The following PGM3 variants were observed in gnomAD, a reference collection of about 807,000 sequenced individuals.
PGM3 encodes phosphoglucomutase 3.
In PGM3, 40 loss-of-function variants were observed where a neutral mutation model predicts 66.2. The ratio of observed to expected loss-of-function variants is 0.60; its 90% CI spans 0.47 to 0.79. PGM3 has a LOEUF of 0.79. Among genes scored for constraint, PGM3 ranks in the 30% least tolerant of loss-of-function variants. The pLI is 0.00. For synonymous variants in PGM3, 191 were observed against 224.2 expected (o/e 0.85, Z 1.32); for missense variants, 537 against 643.4 (o/e 0.83, Z 1.79).
intron 12 of PGM3, chr6:83,169,954 T>C (rs2128476892): frequency 1.3e-5 from 5 of 381,968 alleles, no homozygotes; most frequent in South Asian, 1.1e-4. Flanking sequence ...ACAAAGCTGG[T>C]TGTTTTCATG....
downstream of PGM3, among the ~76,000 whole-genome samples, chr6:83,159,235 TAC>T (rs1783609628): frequency 6.6e-6 from 1 of 152,192 alleles, no homozygotes; most frequent in Non-Finnish European, 1.5e-5. Flanking sequence ...TTCTCGCTTT[TAC>T]AGTTTTTATT....
intron 10 of PGM3, 102 bp downstream of exon 10, chr6:83,174,272 A>G: frequency 1.5e-6 from 1 of 656,944 alleles, no homozygotes. Flanking sequence ...CCACCAGGCC[A>G]GGACGTCTCC....
downstream of PGM3, chr6:83,157,167 C>T: frequency 6.2e-7 from 1 of 1,605,948 alleles, no homozygotes; most frequent in Non-Finnish European, 8.5e-7. Context: ...TGAAAATGCT[C>T]TGCATTTCTT....
the PGM3 span, chr6:83,156,062 G>A: frequency 6.2e-7 from 1 of 1,613,874 alleles, no homozygotes; most frequent in Non-Finnish European, 8.5e-7. Context: ...ATTTTTAGCA[G>A]TGAAATTGAC....
At position 83,167,397 on chromosome 6, in the gene PGM3, A is replaced by T; in HGVS notation, c.*1837T>A. 1.0e-6 allele frequency: 1 copy of T among 981,568 alleles called. No individual in the cohort carries two copies. Among genetic ancestry groups the T allele is most frequent in the Non-Finnish European group, 1.2e-6 (1 of 826,308 alleles). The allele number at this position is 981,568 out of a possible 1,614,324, so 60.8% of individuals were successfully genotyped here. A position where few individuals can be genotyped will look rare whatever the true frequency, so the allele number is the denominator to read the frequency against. On this transcript the variant is annotated 3_prime_UTR_variant, in exon 13 of 13. Transcript: ENST00000513973. ...ACACTGCTACCATCATGGCAAATTTAGGCCATTTAGATAAAAGGGAATTAA... is the reference window on the plus strand; with the variant it reads ...ACACTGCTACCATCATGGCAAATTTTGGCCATTTAGATAAAAGGGAATTAA...
chr6:83,178,799 G>T, intron 7 of PGM3, 43 bp from the exon 8 acceptor site: 3 of 1,120,866 alleles, frequency 2.7e-6, no homozygotes, highest in Non-Finnish European at 4.1e-6. Flanking sequence ...CAAAAGTATG[G>T]TCTACAAAAA....
chr6:83,186,739 A>G (rs1389360207), intron 4 of PGM3, among the ~76,000 whole-genome samples: 1 of 152,222 alleles, frequency 6.6e-6, no homozygotes, highest in Non-Finnish European at 1.5e-5. Context: ...GAGGAAATTC[A>G]GCCTTACCAA....
intron 10 of PGM3, 78 bp from the exon 11 acceptor site, chr6:83,172,137 C>T (rs1787264922): frequency 1.1e-5 from 16 of 1,433,926 alleles, no homozygotes; most frequent in Non-Finnish European, 1.5e-5. Flanking sequence ...CTTAGAAAAC[C>T]AATCACAGTA....
At chr6:83,157,445 G>A (rs556637843), downstream of PGM3, 60 of 976,882 alleles carry the variant, frequency 6.1e-5, 1 homozygote, top group African/African-American at 7.6e-4. Flanking sequence ...AGTTACTGAT[G>A]CTTTTTACAG....
downstream of PGM3, among the ~76,000 whole-genome samples, chr6:83,163,576 ACTTT>A (rs1784742113): frequency 6.6e-6 from 1 of 152,206 alleles, no homozygotes; most frequent in African/African-American, 2.4e-5. Flanking sequence ...AGTATTTTTC[ACTTT>A]CTGATTATAA....
Position 83,165,733 on chromosome 6 carries a change from C to T in PGM3, c.*3501G>A. On this transcript the variant is annotated 3_prime_UTR_variant, in exon 13 of 13. Coordinates refer to ENST00000513973, the MANE Select transcript of PGM3 (RefSeq NM_015599.3). ...GAATATGGCAGATGAGGCAAAACTT[C>T]ATAGCCCAATTAGTTCAATTTTCGA... The T allele has an allele frequency of 4.3e-6, 1 of 234,162 alleles. No individual in the cohort carries two copies. The highest frequency in any genetic ancestry group is 9.1e-6 in the Non-Finnish European group (1 of 110,372). The allele number at this position is 234,162 out of a possible 1,614,324, so 14.5% of individuals were successfully genotyped here.
At position 83,164,926 on chromosome 6, in the gene PGM3, G is replaced by T; in HGVS notation, c.*4308C>A. On this transcript the variant is annotated 3_prime_UTR_variant, in exon 13 of 13. Coordinates refer to ENST00000513973, the MANE Select transcript of PGM3 (RefSeq NM_015599.3). ...ATATTGAGACAATACATATAGTTCTGATTAAGAGCATCAGAAACTCTGAAT... is the reference window on the plus strand; with the variant it reads ...ATATTGAGACAATACATATAGTTCTTATTAAGAGCATCAGAAACTCTGAAT... 1 of 470,292 alleles carries T rather than the reference G, an allele frequency of 2.1e-6. No individual in the cohort carries two copies. Among genetic ancestry groups the T allele is most frequent in the Non-Finnish European group, 3.7e-6 (1 of 266,784 alleles). 29.1% of individuals were successfully genotyped at this position (470,292 alleles called of 1,614,324 possible).
At chr6:83,179,108 C>T (rs1468587900) in intron 7 of PGM3, among the ~76,000 whole-genome samples, 4 of 151,978 alleles carry the variant, frequency 2.6e-5, no homozygotes, top group Non-Finnish European at 2.9e-5. Flanking sequence ...GTCAAAAGTT[C>T]GAGACCAGCC....
chr6:83,178,838 C>G, intron 7 of PGM3, 82 bp from the exon 8 acceptor site: 2 of 830,758 alleles, frequency 2.4e-6, no homozygotes, highest in East Asian at 2.4e-5. Context: ...TAAAGGCTAC[C>G]AAAATTATCA....
downstream of PGM3, among the ~76,000 whole-genome samples, chr6:83,156,989 T>C (rs1782946446): frequency 6.6e-6 from 1 of 152,210 alleles, no homozygotes; most frequent in Admixed American, 6.5e-5. Context: ...GAAAATGACA[T>C]TTGTATTTTG....
intron 6 of PGM3, 55 bp from the exon 7 acceptor site, chr6:83,180,022 G>A (rs1788061898): frequency 2.2e-6 from 3 of 1,361,654 alleles, no homozygotes; most frequent in Non-Finnish European, 3.0e-6. Flanking sequence ...ATTATAAAGA[G>A]TTTTAGAATT....
At chr6:83,171,676 A>G (rs1787175305) in intron 11 of PGM3, among the ~76,000 whole-genome samples, 1 of 151,726 alleles carries the variant, frequency 6.6e-6, no homozygotes, top group African/African-American at 2.4e-5. Flanking sequence ...TTTTTAGTAG[A>G]CAGGGTTTTA....
At chr6:83,175,056 C>T (rs1787654295) in intron 9 of PGM3, among the ~76,000 whole-genome samples, 1 of 152,106 alleles carries the variant, frequency 6.6e-6, no homozygotes, top group South Asian at 2.1e-4. Context: ...TTCTAGAGGC[C>T]TAATACTGAG....
intron 8 of PGM3, among the ~76,000 whole-genome samples, chr6:83,177,755 T>C (rs896929695): frequency 3.3e-5 from 5 of 152,178 alleles, no homozygotes; most frequent in Admixed American, 3.3e-4. Context: ...CTCATCCTGA[T>C]ACATGACCAC....
Sources: allele counts gnomAD v4.1 joint callset (sites outside exome capture counted in the v4.1 genomes callset), GRCh38; gene constraint gnomAD v4.1.1; transcripts MANE v1.5; gene names NCBI Gene and HGNC (gene_info 2026-07-23, HGNC 2026-07-21).